ABLIM1: variants seen among roughly 807,000 people sequenced by gnomAD.
ABLIM1 encodes the protein actin-binding LIM protein 1.
ABLIM1 carries 40 observed loss-of-function variants against 107.0 expected under a neutral mutation model. The ratio of observed to expected loss-of-function variants is 0.37; its 90% CI spans 0.29 to 0.49. The LOEUF (loss-of-function observed/expected upper bound fraction) is 0.49, where lower values mean the gene tolerates loss of function less well. ABLIM1 is among the 20% of genes least tolerant of loss of function. ABLIM1 has a pLI of 0.97. For missense variants in ABLIM1, 857 were observed against 1,008.5 expected, an observed-to-expected ratio of 0.85 and a Z score of 2.04; for synonymous variants, 357 against 357.3, an observed-to-expected ratio of 1.00 and a Z score of 0.01.
intron 1 of ABLIM1, among the ~76,000 whole-genome samples, chr10:114,756,211 T>C (rs2082626775): frequency 6.6e-6 from 1 of 152,168 alleles, no homozygotes; most frequent in Non-Finnish European, 1.5e-5. Context: ...GATCTTTAAA[T>C]GCTACCTTTA....
chr10:114,697,410 G>A (rs181414632), intron 1 of ABLIM1, among the ~76,000 whole-genome samples: 6 of 152,374 alleles, frequency 3.9e-5, no homozygotes, highest in African/African-American at 7.2e-5. Context: ...GCTGGCACGC[G>A]GTTTTCGAAG....
intron 7 of ABLIM1, among the ~76,000 whole-genome samples, chr10:114,490,091 C>T (rs1359762285): frequency 6.6e-6 from 1 of 152,174 alleles, no homozygotes; most frequent in African/African-American, 2.4e-5. Flanking sequence ...ATGCTAAAAT[C>T]TAAGCCCACA....
intron 22 of ABLIM1, among the ~76,000 whole-genome samples, chr10:114,437,394 T>C (rs938927231): frequency 8.6e-5 from 13 of 151,408 alleles, no homozygotes; most frequent in African/African-American, 4.9e-5. Flanking sequence ...TCTTGGCTCA[T>C]TGCAACCTCC....
chr10:114,730,988 C>T (rs1377224600), intron 1 of ABLIM1, among the ~76,000 whole-genome samples: 2 of 152,120 alleles, frequency 1.3e-5, no homozygotes, highest in Non-Finnish European at 2.9e-5. Context: ...TGCATGAGCT[C>T]TACTTAATTC....
chr10:114,470,133 T>C (rs57071940), intron 10 of ABLIM1, among the ~76,000 whole-genome samples: 1 of 152,238 alleles, frequency 6.6e-6, no homozygotes, highest in African/African-American at 2.4e-5. Flanking sequence ...AATGGCAATA[T>C]GTATAAAGGC....
chr10:114,689,171 C>G (rs76593789), upstream of ABLIM1, among the ~76,000 whole-genome samples: 729 of 152,228 alleles, frequency 4.8e-3, 6 homozygotes, highest in African/African-American at 0.017. Flanking sequence ...AAATTGCCAT[C>G]CAGCATGTGC....
At chr10:114,651,673 T>C (rs571177289) in intron 1 of ABLIM1, among the ~76,000 whole-genome samples, 12 of 152,214 alleles carry the variant, frequency 7.9e-5, no homozygotes, top group Admixed American at 6.5e-4. Context: ...AAAGGGGTTA[T>C]TGGTAACTAT....
intron 2 of ABLIM1, among the ~76,000 whole-genome samples, chr10:114,582,791 G>A (rs558138397): frequency 1.3e-5 from 2 of 152,152 alleles, no homozygotes; most frequent in South Asian, 4.2e-4. Context: ...AACGGTGCTG[G>A]GATAACTGGC....
intron 4 of ABLIM1, among the ~76,000 whole-genome samples, chr10:114,551,218 G>A (rs1005021621): frequency 6.6e-6 from 1 of 152,254 alleles, no homozygotes; most frequent in Non-Finnish European, 1.5e-5. Context: ...CTTGGTACAT[G>A]TGAGCCACTC....
chr10:114,547,956 G>A (rs1178245591), intron 4 of ABLIM1, among the ~76,000 whole-genome samples, 180 bp from the exon 5 acceptor site: 3 of 152,148 alleles, frequency 2.0e-5, no homozygotes, highest in South Asian at 2.1e-4. Flanking sequence ...CACAGGCTGC[G>A]TCCTCGGAAG....
At chr10:114,530,553 A>G (rs1036212709) in intron 6 of ABLIM1, among the ~76,000 whole-genome samples, 1 of 152,064 alleles carries the variant, frequency 6.6e-6, no homozygotes, top group Non-Finnish European at 1.5e-5. Flanking sequence ...ATTTATTTTG[A>G]GACACAGTCT....
chr10:114,559,065 G>A (rs940495501), intron 4 of ABLIM1, among the ~76,000 whole-genome samples: 1 of 152,088 alleles, frequency 6.6e-6, no homozygotes, highest in Non-Finnish European at 1.5e-5. Flanking sequence ...AGCTGATGGA[G>A]GACAGGCCTG....
intron 6 of ABLIM1, among the ~76,000 whole-genome samples, chr10:114,511,192 T>C (rs1015955569): frequency 6.6e-6 from 1 of 152,056 alleles, no homozygotes; most frequent in Non-Finnish European, 1.5e-5. Context: ...GAATCAATTA[T>C]ACCTCAAACT....
chr10:114,617,273 T>TTC (rs1446491282), intron 1 of ABLIM1, among the ~76,000 whole-genome samples: 1 of 150,422 alleles, frequency 6.6e-6, no homozygotes, highest in Non-Finnish European at 1.5e-5. Context: ...TTTTTTTTTT[T>TTC]TTTTTGAGAT....
chr10:114,464,360 A>G (rs1188187139), intron 12 of ABLIM1, among the ~76,000 whole-genome samples: 1 of 151,882 alleles, frequency 6.6e-6, no homozygotes, highest in Non-Finnish European at 1.5e-5. Context: ...TAATTTTTGT[A>G]TTTTTAGTAG....
At chr10:114,595,390 T>C (rs1337762643) in intron 2 of ABLIM1, among the ~76,000 whole-genome samples, 1 of 152,232 alleles carries the variant, frequency 6.6e-6, no homozygotes, top group Non-Finnish European at 1.5e-5. Context: ...TAGAGATGAA[T>C]GCTTCCCTTT....
In ABLIM1 at chr10:114,518,820, T is replaced by TAA. The variant is rs11451489; in HGVS notation, c.894+26183_894+26184dup. 3.4e-3 allele frequency among the ~76,000 whole-genome samples: 499 copies of TAA among 148,462 alleles called. 3 individuals are homozygous for TAA. Among genetic ancestry groups the TAA allele is most frequent in the African/African-American group, 0.01 (416 of 40,424 alleles). ...TTATTTACGATGAGCTCACACTACTTAAAAAAAAAAACTTTTAGAAGTTGT... is the reference window on the plus strand; with the variant it reads ...TTATTTACGATGAGCTCACACTACTTAAAAAAAAAAAAACTTTTAGAAGTTGT... On this transcript the variant is annotated intron_variant, in intron 6 of 22. Coordinates refer to ENST00000533213, the MANE Select transcript of ABLIM1 (RefSeq NM_002313.7).
intron 20 of ABLIM1, 199 bp downstream of exon 20, chr10:114,439,883 T>C: frequency 1.2e-6 from 1 of 835,078 alleles, no homozygotes. Context: ...GTTCATGCAG[T>C]GTCCCCAAGG....
chr10:114,681,484 C>G (rs914190690), intron 1 of ABLIM1, among the ~76,000 whole-genome samples: 3 of 152,230 alleles, frequency 2.0e-5, no homozygotes, highest in African/African-American at 7.2e-5. Flanking sequence ...CATGAGCCAT[C>G]ACGCCTGGCC....
Sources: allele counts gnomAD v4.1 joint callset (sites outside exome capture counted in the v4.1 genomes callset), GRCh38; gene constraint gnomAD v4.1.1; transcripts MANE v1.5; gene names NCBI Gene and HGNC (gene_info 2026-07-23, HGNC 2026-07-21).